EXOC2: variants seen among roughly 807,000 people sequenced by gnomAD.
The protein encoded by EXOC2 is exocyst complex component 2, also known as SEC5-like 1.
Under a neutral mutation model 131.8 loss-of-function variants are expected in EXOC2, and 70 were observed. The observed-to-expected ratio is 0.53, with a 90% confidence interval of 0.44 to 0.65. The LOEUF (loss-of-function observed/expected upper bound fraction) is 0.65. Ranked by LOEUF, EXOC2 falls within the 30% of genes least tolerant of loss-of-function variation. The pLI is 0.00. For missense variants in EXOC2, 923 were observed against 1,108.6 expected, an observed-to-expected ratio of 0.83 and a Z score of 2.38; for synonymous variants, 411 against 398.4, an observed-to-expected ratio of 1.03 and a Z score of -0.38.
chr6:677,140 C>T (rs1764178873), intron 1 of EXOC2, among the ~76,000 whole-genome samples: 1 of 96,744 alleles, frequency 1.0e-5, no homozygotes, highest in South Asian at 3.6e-4. Flanking sequence ...TTCAACATTA[C>T]GGAAAGGACA....
chr6:495,389 G>C (rs2127474331), intron 25 of EXOC2, among the ~76,000 whole-genome samples: 1 of 152,094 alleles, frequency 6.6e-6, no homozygotes, highest in African/African-American at 2.4e-5. Context: ...CTCCCAAAGT[G>C]CTGGGATTAC....
intron 5 of EXOC2, among the ~76,000 whole-genome samples, chr6:618,913 T>G (rs908406834): frequency 1.3e-5 from 2 of 152,246 alleles, no homozygotes; most frequent in Non-Finnish European, 2.9e-5. Flanking sequence ...AACTTGCTCT[T>G]GTACAGAGTA....
At position 576,838 on chromosome 6, in the gene EXOC2, T is replaced by C. The variant is rs138491202; in HGVS notation, c.1237A>G (p.Thr413Ala). The change falls in exon 12 of 28, where the codon ACA becomes GCA. Residue 413 changes from threonine to alanine, a missense_variant. Physicochemically the swap from Thr to Ala is moderately conservative, Grantham distance 58 (BLOSUM62 0). Coordinates refer to ENST00000230449, the MANE Select transcript of EXOC2 (RefSeq NM_018303.6). ...HSPMLDLDNDTRPSVLGHLSQ... is the reference protein window; with the variant it reads ...HSPMLDLDNDARPSVLGHLSQ... ...AGATGGCCCAACACTGAGGGACGTG[T>C]ATCATTATCAAGATCCAACATGGGA... 31 of 1,614,012 alleles carry C rather than the reference T, an allele frequency of 1.9e-5. No individual in the cohort carries two copies. Among genetic ancestry groups the C allele is most frequent in the Non-Finnish European group, 2.6e-5 (31 of 1,180,026 alleles).
intron 22 of EXOC2, among the ~76,000 whole-genome samples, chr6:537,764 C>G (rs1274773346): frequency 6.6e-6 from 1 of 152,170 alleles, no homozygotes; most frequent in Non-Finnish European, 1.5e-5. Flanking sequence ...AAGAAAATGA[C>G]TCACTGGTAC....
At chr6:656,216 C>G in intron 1 of EXOC2, 3 of 1,614,220 alleles carry the variant, frequency 1.9e-6, no homozygotes, top group Non-Finnish European at 1.7e-6. Flanking sequence ...GATGTATTTG[C>G]TGTCCCTCCA....
At chr6:520,881 G>A (rs563244303) in intron 23 of EXOC2, among the ~76,000 whole-genome samples, 45 of 136,112 alleles carry the variant, frequency 3.3e-4, no homozygotes, top group Non-Finnish European at 4.7e-4. Context: ...ACCACCCACC[G>A]AGCGCCAACA....
At chr6:539,430 C>A (rs542965928) in intron 22 of EXOC2, among the ~76,000 whole-genome samples, 83 of 151,830 alleles carry the variant, frequency 5.5e-4, no homozygotes, top group Non-Finnish European at 1.0e-3. Context: ...CAATAAGCCA[C>A]CGCCCTGCCT....
chr6:640,739 G>T (rs1205927130), intron 1 of EXOC2, among the ~76,000 whole-genome samples: 1 of 152,048 alleles, frequency 6.6e-6, no homozygotes, highest in African/African-American at 2.4e-5. Flanking sequence ...CATTCCTCAC[G>T]GCCCTCAAAA....
At chr6:495,636 G>A (rs6597061) in intron 25 of EXOC2, among the ~76,000 whole-genome samples, 133,288 of 152,194 alleles carry the variant, frequency 0.88, 59,146 homozygotes, top group Non-Finnish European at 0.95. Context: ...AGCAGTTGCT[G>A]CATCGCGTCC....
intron 24 of EXOC2, among the ~76,000 whole-genome samples, 169 bp downstream of exon 24, chr6:499,472 CAGAG>C (rs1180682334): frequency 6.8e-6 from 1 of 146,820 alleles, no homozygotes; most frequent in Non-Finnish European, 1.5e-5. Flanking sequence ...CACACACACA[CAGAG>C]ACAGAGAGAG....
chr6:592,439 C>T, intron 11 of EXOC2, 30 bp downstream of exon 11: 1 of 1,569,286 alleles, frequency 6.4e-7, no homozygotes, highest in Non-Finnish European at 8.8e-7. Context: ...ATGAAGGAAT[C>T]ACACAACACA....
chr6:534,846 G>A (rs774840425), intron 22 of EXOC2, among the ~76,000 whole-genome samples: 20 of 152,174 alleles, frequency 1.3e-4, no homozygotes, highest in Admixed American at 2.6e-4. Flanking sequence ...AACACAAACC[G>A]AAATAGATGA....
intron 1 of EXOC2, among the ~76,000 whole-genome samples, chr6:674,116 G>A (rs935980155): frequency 6.6e-6 from 1 of 152,150 alleles, no homozygotes; most frequent in Admixed American, 6.5e-5. Flanking sequence ...CAAACTCTGA[G>A]CTAGAAATTA....
At chr6:604,537 T>C (rs1747592) in intron 7 of EXOC2, among the ~76,000 whole-genome samples, 13,602 of 152,174 alleles carry the variant, frequency 0.089, 1,035 homozygotes, top group African/African-American at 0.21. Context: ...CTGTTAAACT[T>C]CTGCGATGGC....
At chr6:673,020 GA>G (rs1286315811) in intron 1 of EXOC2, among the ~76,000 whole-genome samples, 1 of 151,990 alleles carries the variant, frequency 6.6e-6, no homozygotes, top group Non-Finnish European at 1.5e-5. Context: ...AGCACTTTGG[GA>G]GGCCAAGGCG....
intron 11 of EXOC2, among the ~76,000 whole-genome samples, chr6:585,846 ATTC>A (rs956508474): frequency 3.3e-5 from 5 of 152,234 alleles, no homozygotes; most frequent in African/African-American, 7.2e-5. Flanking sequence ...TCACAAAGCT[ATTC>A]TTCTTCTTAT....
intron 22 of EXOC2, among the ~76,000 whole-genome samples, chr6:535,977 C>G (rs1766422004): frequency 6.6e-6 from 1 of 152,058 alleles, no homozygotes; most frequent in African/African-American, 2.4e-5. Context: ...GATGAAAAAG[C>G]ACTTGAGAAA....
intron 1 of EXOC2, among the ~76,000 whole-genome samples, chr6:655,505 T>G (rs1027258072): frequency 1.2e-4 from 18 of 152,254 alleles, no homozygotes; most frequent in Non-Finnish European, 1.5e-5. Context: ...CTATATTTCC[T>G]TGATTTCTAA....
At chr6:622,616 G>C (rs1397029841) in intron 4 of EXOC2, among the ~76,000 whole-genome samples, 4 of 152,188 alleles carry the variant, frequency 2.6e-5, no homozygotes, top group African/African-American at 9.7e-5. Context: ...GCATGCCCTG[G>C]AGAAACGGCT....
Sources: gnomAD v4.1 joint callset for allele counts (sites outside exome capture counted in the v4.1 genomes callset) on GRCh38, gnomAD v4.1.1 for gene constraint, MANE v1.5 for transcripts, NCBI Gene and HGNC (gene_info 2026-07-23, HGNC 2026-07-21) for gene names.